DLGAP1: variants seen among roughly 807,000 people sequenced by gnomAD.
DLGAP1 encodes the protein DLG associated protein 1.
DLGAP1 carries 11 observed loss-of-function variants against 90.8 expected under a neutral mutation model. The observed-to-expected ratio is 0.12, with a 90% CI of 0.08 to 0.20. The LOEUF (loss-of-function observed/expected upper bound fraction) is 0.20, where lower values mean the gene tolerates loss of function less well. Among genes scored for constraint, DLGAP1 ranks in the 10% least tolerant of loss-of-function variants. The pLI is 1.00. For synonymous variants in DLGAP1, 558 were observed against 540.7 expected (o/e 1.03, Z -0.44); for missense variants, 1,050 against 1,333.8 (o/e 0.79, Z 3.31).
intron 7 of DLGAP1, among the ~76,000 whole-genome samples, chr18:3,703,803 C>G (rs1036934430): frequency 1.3e-5 from 2 of 152,100 alleles, no homozygotes; most frequent in African/African-American, 4.8e-5. Context: ...GCATTCTTTC[C>G]CCTATGAACA....
At chr18:4,352,706 C>G (rs2081426691) in intron 1 of DLGAP1, among the ~76,000 whole-genome samples, 1 of 152,104 alleles carries the variant, frequency 6.6e-6, no homozygotes, top group South Asian at 2.1e-4. Context: ...CCCAGGACAA[C>G]CACAATGCAG....
At chr18:4,366,594 T>C (rs2081773001) in intron 1 of DLGAP1, among the ~76,000 whole-genome samples, 1 of 151,662 alleles carries the variant, frequency 6.6e-6, no homozygotes, top group East Asian at 1.9e-4. Context: ...AAAAAAAGTC[T>C]GAAAAGAATC....
At chr18:3,734,374 T>C (rs889889285) in intron 6 of DLGAP1, among the ~76,000 whole-genome samples, 3 of 152,168 alleles carry the variant, frequency 2.0e-5, no homozygotes, top group Admixed American at 1.3e-4. Flanking sequence ...GGCCTCAGCC[T>C]CCTGAGTAGC....
At chr18:4,326,323 A>G (rs889207974) in intron 1 of DLGAP1, among the ~76,000 whole-genome samples, 2 of 152,160 alleles carry the variant, frequency 1.3e-5, no homozygotes, top group African/African-American at 2.4e-5. Context: ...CAGAATGTCT[A>G]TTATTAAAAA....
chr18:3,985,452 A>G (rs1376961378), intron 3 of DLGAP1, among the ~76,000 whole-genome samples: 2 of 151,840 alleles, frequency 1.3e-5, no homozygotes, highest in African/African-American at 2.4e-5. Context: ...ATTATTAGCT[A>G]TATTTTTTGG....
chr18:3,642,159 C>G (rs923373475), intron 7 of DLGAP1, among the ~76,000 whole-genome samples: 3 of 152,198 alleles, frequency 2.0e-5, no homozygotes, highest in Non-Finnish European at 4.4e-5. Flanking sequence ...TAGATTGTGC[C>G]TGGAAGCATT....
At chr18:3,601,844 C>CG (rs2057043813) in intron 7 of DLGAP1, among the ~76,000 whole-genome samples, 1 of 11,848 alleles carries the variant, frequency 8.4e-5, no homozygotes, top group South Asian at 2.0e-3. Flanking sequence ...GACTCCATCT[C>CG]GGAAAAAAAA....
chr18:4,121,749 C>T (rs188789354), intron 2 of DLGAP1, among the ~76,000 whole-genome samples: 121 of 152,266 alleles, frequency 7.9e-4, no homozygotes, highest in African/African-American at 2.8e-3. Context: ...TCCCTGTACC[C>T]ATCGTGATAG....
intron 7 of DLGAP1, among the ~76,000 whole-genome samples, chr18:3,635,798 A>G (rs964321807): frequency 5.3e-5 from 8 of 151,672 alleles, no homozygotes; most frequent in African/African-American, 1.7e-4. Flanking sequence ...CAGCAATTCC[A>G]TGAATTCAAT....
intron 1 of DLGAP1, among the ~76,000 whole-genome samples, chr18:4,310,273 C>T (rs1010956333): frequency 2.0e-5 from 3 of 152,036 alleles, no homozygotes. Flanking sequence ...CACATTTTCT[C>T]CTTTTTTTGT....
At chr18:4,110,332 A>G (rs2075950900) in intron 2 of DLGAP1, among the ~76,000 whole-genome samples, 5 of 152,152 alleles carry the variant, frequency 3.3e-5, no homozygotes, top group Admixed American at 3.3e-4. Flanking sequence ...TGGGACCACT[A>G]TCCTATATGT....
chr18:4,378,615 G>A lies in DLGAP1; in HGVS notation c.-267+76391C>T, dbSNP rs900716551. On this transcript the variant is annotated intron_variant, in intron 1 of 12. Coordinates refer to ENST00000315677, the MANE Select transcript of DLGAP1 (RefSeq NM_004746.4). The surrounding 1 kb of genome is among the most constrained non-coding windows in gnomAD (Gnocchi z 4.5). ...TAGAGTGCTTAAGAATCCATGGTGG[G>A]GAGGCACACTACACAATTTGAAAGC... Among the ~76,000 whole-genome samples the A allele has an allele frequency of 3.9e-5, 6 of 151,940 alleles. No individual in the cohort carries two copies. The highest frequency in any genetic ancestry group is 7.4e-5 in the Non-Finnish European group (5 of 67,988).
chr18:4,318,530 A>G (rs532165453), intron 1 of DLGAP1, among the ~76,000 whole-genome samples: 1 of 152,334 alleles, frequency 6.6e-6, no homozygotes, highest in Non-Finnish European at 1.5e-5. Flanking sequence ...CTTCTAATGC[A>G]TGAAAGAACA....
At chr18:4,220,880 G>A (rs751751467) in intron 1 of DLGAP1, among the ~76,000 whole-genome samples, 2 of 152,120 alleles carry the variant, frequency 1.3e-5, no homozygotes, top group African/African-American at 2.4e-5. Flanking sequence ...GACCACATAT[G>A]TGACAGTGGT....
intron 10 of DLGAP1, among the ~76,000 whole-genome samples, chr18:3,531,130 T>C (rs1025870962): frequency 2.6e-5 from 4 of 152,194 alleles, no homozygotes; most frequent in Admixed American, 6.5e-5. Context: ...TTATAGTAGA[T>C]GTTAAATCTA....
chr18:3,528,164 C>A (rs2051770139), intron 10 of DLGAP1, among the ~76,000 whole-genome samples: 1 of 152,100 alleles, frequency 6.6e-6, no homozygotes, highest in African/African-American at 2.4e-5. Flanking sequence ...TGAAGAGAGG[C>A]CCTCCTTCTG....
rs113052234 is a variant in DLGAP1, at chr18:4,116,319, C to T, written c.-159+34861G>A. On this transcript the variant is annotated intron_variant, in intron 2 of 12. Transcript: ENST00000315677. The stretch of plus-strand genomic sequence containing the variant: ...ACATTTTGACTATAATGTGTCCGAG[C>T]GTGAATTTCTTTGTATTTCTCCTAC... Among the ~76,000 whole-genome samples the T allele has an allele frequency of 4.6e-3, 695 of 152,172 alleles. 4 individuals are homozygous for T. Among genetic ancestry groups the T allele is most frequent in the South Asian group, 0.025 (121 of 4,812 alleles).
chr18:4,203,241 C>T (rs2077645197), intron 1 of DLGAP1, among the ~76,000 whole-genome samples: 1 of 149,196 alleles, frequency 6.7e-6, no homozygotes, highest in African/African-American at 2.5e-5. Context: ...CGCCACTGCA[C>T]TCCAGCCTGG....
chr18:3,926,492 TATAAATATA>T (rs1445386240), intron 3 of DLGAP1, among the ~76,000 whole-genome samples: 1 of 150,774 alleles, frequency 6.6e-6, no homozygotes, highest in Non-Finnish European at 1.5e-5. Flanking sequence ...TTTATATGTA[TATAAATATA>T]TATGCCATTT....
Sources: gnomAD v4.1 joint callset for allele counts (sites outside exome capture counted in the v4.1 genomes callset) on GRCh38, gnomAD v4.1.1 for gene constraint, Gnocchi (gnomAD v3.1) non-coding constraint, MANE v1.5 for transcripts, NCBI Gene and HGNC (gene_info 2026-07-23, HGNC 2026-07-21) for gene names.